Variants in DNAJC1 observed in about 807,000 individuals in gnomAD.
DNAJC1 encodes the protein dnaJ homolog subfamily C member 1.
Under a neutral mutation model 76.6 loss-of-function variants are expected in DNAJC1, and 58 were observed. The ratio of observed to expected loss-of-function variants is 0.76; its 90% CI spans 0.61 to 0.94. The LOEUF (loss-of-function observed/expected upper bound fraction) is 0.94, where lower values mean the gene tolerates loss of function less well. DNAJC1 is among the 40% of genes least tolerant of loss of function. DNAJC1 has a pLI of 0.00. For missense variants in DNAJC1, 689 were observed against 677.3 expected (o/e 1.02, Z -0.19); for synonymous variants, 258 against 267.9 (o/e 0.96, Z 0.36).
chr10:21,834,412 A>T (rs1230000230), intron 8 of DNAJC1, among the ~76,000 whole-genome samples: 1 of 152,218 alleles, frequency 6.6e-6, no homozygotes, highest in African/African-American at 2.4e-5. Flanking sequence ...AAGATGGGTG[A>T]TTTCTGCATT....
chr10:21,957,327 C>A (rs191852379), intron 1 of DNAJC1, among the ~76,000 whole-genome samples: 1 of 152,278 alleles, frequency 6.6e-6, no homozygotes, highest in East Asian at 1.9e-4. Context: ...TTAACTTTAT[C>A]ATTAATACTT....
At chr10:21,956,174 G>A (rs945357578) in intron 1 of DNAJC1, among the ~76,000 whole-genome samples, 1 of 152,170 alleles carries the variant, frequency 6.6e-6, no homozygotes, top group Non-Finnish European at 1.5e-5. Flanking sequence ...CAGAGGGCAA[G>A]AGAGCACGAG....
At chr10:21,790,927 G>A (rs140291285) in intron 9 of DNAJC1, among the ~76,000 whole-genome samples, 27 of 151,920 alleles carry the variant, frequency 1.8e-4, no homozygotes, top group African/African-American at 6.0e-4. Flanking sequence ...GATATAGACT[G>A]GCAAAATAAA....
chr10:21,926,890 T>C (rs935222847), intron 3 of DNAJC1, among the ~76,000 whole-genome samples: 1 of 152,204 alleles, frequency 6.6e-6, no homozygotes, highest in African/African-American at 2.4e-5. Flanking sequence ...AAACAATTTA[T>C]ATATGAGAAG....
At chr10:21,939,756 A>G (rs773307096) in intron 1 of DNAJC1, among the ~76,000 whole-genome samples, 12 of 152,140 alleles carry the variant, frequency 7.9e-5, no homozygotes, top group Non-Finnish European at 1.5e-4. Flanking sequence ...TATCCCCATC[A>G]TTAAGCAGTA....
At chr10:21,869,656 A>C (rs146035214) in intron 8 of DNAJC1, among the ~76,000 whole-genome samples, 1 of 152,234 alleles carries the variant, frequency 6.6e-6, no homozygotes, top group East Asian at 1.9e-4. Flanking sequence ...GGCTTTTTTC[A>C]TCAACAGGTG....
At chr10:21,970,070 C>T (rs1837954196) in intron 1 of DNAJC1, among the ~76,000 whole-genome samples, 1 of 152,084 alleles carries the variant, frequency 6.6e-6, no homozygotes, top group Non-Finnish European at 1.5e-5. Context: ...CTTAAATTAA[C>T]CTTTTAACAA....
chr10:21,837,423 G>A (rs1441703971), intron 8 of DNAJC1, among the ~76,000 whole-genome samples: 4 of 151,954 alleles, frequency 2.6e-5, no homozygotes, highest in Admixed American at 1.3e-4. Context: ...TCTGGGAAGT[G>A]AAGAGCGCCT....
At chr10:21,786,508 T>TCTCACTC (rs1834613663) in intron 9 of DNAJC1, among the ~76,000 whole-genome samples, 1 of 97,146 alleles carries the variant, frequency 1.0e-5, no homozygotes, top group Non-Finnish European at 2.2e-5. Flanking sequence ...AGAGATGGAG[T>TCTCACTC]CTCACTCTGT....
At chr10:21,916,734 A>G (rs532366556) in intron 6 of DNAJC1, among the ~76,000 whole-genome samples, 8 of 152,266 alleles carry the variant, frequency 5.3e-5, no homozygotes, top group Middle Eastern at 3.4e-3. Context: ...ATCACATACT[A>G]CAAAACAAAA....
chr10:21,839,957 C>CAAT, intron 8 of DNAJC1, among the ~76,000 whole-genome samples: 1 of 152,294 alleles, frequency 6.6e-6, no homozygotes, highest in East Asian at 1.9e-4. Context: ...ATACGCAAAT[C>CAAT]AATAAATGTA....
intron 8 of DNAJC1, among the ~76,000 whole-genome samples, chr10:21,810,218 T>C (rs1834942661): frequency 6.6e-6 from 1 of 152,174 alleles, no homozygotes; most frequent in Admixed American, 6.5e-5. Flanking sequence ...CCAACTGGTT[T>C]TTCAAAATTC....
chr10:21,932,264 C>T (rs1365521623), intron 1 of DNAJC1, among the ~76,000 whole-genome samples: 2 of 152,084 alleles, frequency 1.3e-5, no homozygotes, highest in East Asian at 1.9e-4. Flanking sequence ...TACTTGAGCC[C>T]AGGAGGTTGA....
chr10:21,827,615 G>A (rs1472096195), intron 8 of DNAJC1, among the ~76,000 whole-genome samples: 1 of 152,108 alleles, frequency 6.6e-6, no homozygotes, highest in Admixed American at 6.5e-5. Flanking sequence ...CCTCTGCTGC[G>A]TCATCATATG....
At chr10:21,885,627 C>T (rs1382325778) in intron 7 of DNAJC1, among the ~76,000 whole-genome samples, 1 of 152,028 alleles carries the variant, frequency 6.6e-6, no homozygotes, top group Non-Finnish European at 1.5e-5. Flanking sequence ...GAACCAAAAC[C>T]GTATTAAACA....
At chr10:21,893,949 C>T (rs1308280666) in intron 7 of DNAJC1, among the ~76,000 whole-genome samples, 2 of 151,884 alleles carry the variant, frequency 1.3e-5, no homozygotes, top group Non-Finnish European at 2.9e-5. Context: ...CAAAAGTTAC[C>T]TATATTAAAA....
At chr10:21,938,786 G>A (rs931397151) in intron 1 of DNAJC1, among the ~76,000 whole-genome samples, 45 of 152,178 alleles carry the variant, frequency 3.0e-4, no homozygotes, top group Admixed American at 2.8e-3. Flanking sequence ...TTTTAGGTGT[G>A]CCAGGTAGTA....
At chr10:21,914,137 A>G (rs573555175) in intron 6 of DNAJC1, among the ~76,000 whole-genome samples, 2 of 152,350 alleles carry the variant, frequency 1.3e-5, no homozygotes, top group African/African-American at 4.8e-5. Flanking sequence ...TTGACTAAAT[A>G]TAGAAATATC....
chr10:21,946,608 T>C (rs1459900538), intron 1 of DNAJC1, among the ~76,000 whole-genome samples: 1 of 152,140 alleles, frequency 6.6e-6, no homozygotes, highest in Non-Finnish European at 1.5e-5. Context: ...TTTGGCAGTA[T>C]CTACTAAAGC....
Sources: gnomAD v4.1 joint callset for allele counts (sites outside exome capture counted in the v4.1 genomes callset) on GRCh38, gnomAD v4.1.1 for gene constraint, MANE v1.5 for transcripts, NCBI Gene and HGNC (gene_info 2026-07-23, HGNC 2026-07-21) for gene names.